Variants in TBX1 observed in about 807,000 individuals in gnomAD.
TBX1 encodes the protein T-box transcription factor 1, also known as T-box transcription factor TBX1.
In TBX1, 16 loss-of-function variants were observed where a neutral mutation model predicts 40.8. That is an observed-to-expected ratio of 0.39 (90% CI 0.27 to 0.60). The LOEUF (loss-of-function observed/expected upper bound fraction) is 0.60. TBX1 is among the 20% of genes least tolerant of loss of function. The probability of loss-of-function intolerance (pLI) is 0.51; values close to 1 mark genes in which losing one functional copy is unlikely to be tolerated. For synonymous variants in TBX1, 403 were observed against 336.8 expected, an observed-to-expected ratio of 1.20 and a Z score of -2.15; for missense variants, 755 against 728.5, an observed-to-expected ratio of 1.04 and a Z score of -0.42.
chr22:19,772,416 C>T (rs1238207889), intron 8 of TBX1, among the ~76,000 whole-genome samples: 1 of 152,156 alleles, frequency 6.6e-6, no homozygotes, highest in African/African-American at 2.4e-5. Flanking sequence ...AGCCATCCTC[C>T]AGACTCAGCC....
chr22:19,774,333 A>C (rs13054463), intron 8 of TBX1, among the ~76,000 whole-genome samples: 23,697 of 152,218 alleles, frequency 0.16, 3,740 homozygotes, highest in African/African-American at 0.4. Context: ...GGATCGCTTG[A>C]GCCCAGGAGT....
chr22:19,779,514 C>A, exon 9 of TBX1: 1 of 1,559,972 alleles, frequency 6.4e-7, no homozygotes, highest in Non-Finnish European at 8.7e-7. Flanking sequence ...TCAGTAAATT[C>A]CAATATGAAT....
intron 8 of TBX1, among the ~76,000 whole-genome samples, chr22:19,774,977 C>T (rs1456451899): frequency 6.6e-6 from 1 of 152,160 alleles, no homozygotes; most frequent in Non-Finnish European, 1.5e-5. Context: ...GACAGGGTGT[C>T]ACTGTGTTGC....
chr22:19,758,013 A>G (rs1045662418), upstream of TBX1, among the ~76,000 whole-genome samples: 1 of 152,114 alleles, frequency 6.6e-6, no homozygotes, highest in African/African-American at 2.4e-5. Flanking sequence ...CCAGACAGGC[A>G]GCACTATTCG....
In TBX1 at chr22:19,766,622, C is replaced by A; in HGVS notation, c.1270C>A (p.Pro424Thr). Residue 424 changes from proline to threonine, a missense_variant, in exon 7 of 7, where the codon CCC (proline) becomes ACC (threonine). Physicochemically the swap from Pro to Thr is conservative, Grantham distance 38. Transcript: ENST00000649276. ...CGCATCGGAGCCGCTGCACCACCAC[C>A]CCTACAAATATCCGGCCGCCGCCTA... ...PGASEPLHHH[P>T]YKYPAAAYDH... 1 of 1,543,910 alleles carries A rather than the reference C, an allele frequency of 6.5e-7. No individual in the cohort carries two copies. The highest frequency in any genetic ancestry group is 8.7e-7 in the Non-Finnish European group (1 of 1,153,428).
chr22:19,768,983 CTG>C (rs1159707792), downstream of TBX1, among the ~76,000 whole-genome samples: 20 of 52,722 alleles, frequency 3.8e-4, no homozygotes, highest in Non-Finnish European at 5.6e-4. Flanking sequence ...TTTTTTGAGA[CTG>C]AGTCGCGCTC....
chr22:19,766,964 C>A lies in TBX1; in HGVS notation c.*97C>A. On this transcript the variant is annotated 3_prime_UTR_variant, in exon 7 of 7. Coordinates refer to ENST00000649276, the MANE Select transcript of TBX1 (RefSeq NM_001379200.1). ...CAAGGGCAAGCAAGGAATACGTTCC[C>A]CCAGCCCCAGGGGCCACCGCGGCTC... The A allele has an allele frequency of 1.3e-6, 2 of 1,497,566 alleles. No homozygotes were observed. Among genetic ancestry groups the A allele is most frequent in the East Asian group, 2.6e-5 (1 of 38,374 alleles). The allele number at this position is 1,497,566 out of a possible 1,614,324, so 92.8% of individuals were successfully genotyped here. A position where few individuals can be genotyped will look rare whatever the true frequency, so the allele number is the denominator to read the frequency against.
At chr22:19,772,038 C>T (rs1936998122), downstream of TBX1, among the ~76,000 whole-genome samples, 1 of 152,258 alleles carries the variant, frequency 6.6e-6, no homozygotes, top group South Asian at 2.1e-4. Context: ...CCTCCCTGCA[C>T]ATCCCTAGTC....
At chr22:19,762,001 C>G (rs1227066272) in intron 1 of TBX1, among the ~76,000 whole-genome samples, 1 of 152,252 alleles carries the variant, frequency 6.6e-6, no homozygotes, top group Non-Finnish European at 1.5e-5. Flanking sequence ...GTCTAATGTA[C>G]ACACCAGCTC....
chr22:19,772,663 TTA>T (rs1219935380), intron 8 of TBX1, among the ~76,000 whole-genome samples: 1 of 152,172 alleles, frequency 6.6e-6, no homozygotes, highest in Non-Finnish European at 1.5e-5. Flanking sequence ...AATTCATCCT[TTA>T]TCTCAGAATA....
chr22:19,768,206 A>C (rs995090033), downstream of TBX1, among the ~76,000 whole-genome samples: 1 of 152,188 alleles, frequency 6.6e-6, no homozygotes, highest in Non-Finnish European at 1.5e-5. Flanking sequence ...TGCCTGTCCC[A>C]GTGTGTTTGT....
chr22:19,762,085 G>A (rs1320266504), intron 1 of TBX1, among the ~76,000 whole-genome samples: 2 of 152,226 alleles, frequency 1.3e-5, no homozygotes, highest in African/African-American at 4.8e-5. Context: ...CCCTGCTGCC[G>A]GCGTCCTTTC....
intron 1 of TBX1, among the ~76,000 whole-genome samples, chr22:19,761,556 C>A (rs577852751): frequency 5.3e-5 from 8 of 151,774 alleles, no homozygotes; most frequent in African/African-American, 1.9e-4. Context: ...GCGGGACTCG[C>A]CCGCCCGCCC....
At chr22:19,779,437 G>A in exon 9 of TBX1, 3 of 1,613,844 alleles carry the variant, frequency 1.9e-6, no homozygotes, top group Non-Finnish European at 1.7e-6. Context: ...GGCACATGGA[G>A]TTGTCGTGTT....
At chr22:19,778,792 G>A (rs1191665977) in intron 8 of TBX1, among the ~76,000 whole-genome samples, 1 of 152,108 alleles carries the variant, frequency 6.6e-6, no homozygotes, top group Non-Finnish European at 1.5e-5. Flanking sequence ...GGCGGCAGGT[G>A]CCTGTAATCC....
rs200909731 is a variant in TBX1, at chr22:19,779,207, G to T, written c.1010-13G>T. On this transcript the variant is annotated splice_polypyrimidine_tract_variant and intron_variant, in intron 8 of 8. Coordinates refer to the TBX1 transcript ENST00000329705. Reference sequence around the variant, plus strand: ...TACTTCATCCACTCTCATTGGATGGGGTTGTCACCCAGGTGGACATGTCCT... The same window carrying T: ...TACTTCATCCACTCTCATTGGATGGTGTTGTCACCCAGGTGGACATGTCCT... The T allele has an allele frequency of 3.1e-6, 5 of 1,614,136 alleles. No homozygotes were observed. In the East Asian group the frequency reaches 6.7e-5, roughly 22 times the overall value.
chr22:19,768,953 C>CTTTTTTTTTTTTTTTTTTTTTT (rs36085623), downstream of TBX1, among the ~76,000 whole-genome samples: 69 of 66,122 alleles, frequency 1.0e-3, 12 homozygotes, highest in East Asian at 3.3e-3. Context: ...TGTTCGCATT[C>CTTTTTTTTTTTTTTTTTTTTTT]TTTTTTTTTT....
downstream of TBX1, chr22:19,782,843 T>G: frequency 6.2e-7 from 1 of 1,613,292 alleles, no homozygotes. Flanking sequence ...CCTTATTTGA[T>G]AAAGGCCACA....
chr22:19,758,585 C>CG (rs1024956795), upstream of TBX1, among the ~76,000 whole-genome samples: 100 of 152,234 alleles, frequency 6.6e-4, no homozygotes, highest in Admixed American at 5.9e-4. Context: ...TGCTGGGTGC[C>CG]GGGGGGCAGC....
Sources: allele counts gnomAD v4.1 joint callset (sites outside exome capture counted in the v4.1 genomes callset), GRCh38; gene constraint gnomAD v4.1.1; transcripts MANE v1.5; gene names NCBI Gene and HGNC (gene_info 2026-07-23, HGNC 2026-07-21).